Variants in ITPR2 observed in about 807,000 individuals in gnomAD.
ITPR2 encodes inositol 1,4,5-trisphosphate-gated calcium channel ITPR2.
Under a neutral mutation model 317.1 loss-of-function variants are expected in ITPR2, and 207 were observed. The ratio of observed to expected loss-of-function variants is 0.65; its 90% confidence interval spans 0.58 to 0.73. The LOEUF (loss-of-function observed/expected upper bound fraction) is 0.73, where lower values mean the gene tolerates loss of function less well. Ranked by LOEUF, ITPR2 falls within the 30% of genes least tolerant of loss-of-function variation. ITPR2 has a pLI of 0.00. For missense variants in ITPR2, 2,613 were observed against 3,284.0 expected, an observed-to-expected ratio of 0.80 and a Z score of 4.99; for synonymous variants, 1,156 against 1,149.1, an observed-to-expected ratio of 1.01 and a Z score of -0.12.
chr12:26,451,719 TTAAAC>T (rs1457708060), intron 45 of ITPR2, among the ~76,000 whole-genome samples: 1 of 152,156 alleles, frequency 6.6e-6, no homozygotes, highest in Admixed American at 6.6e-5. Context: ...AGGGTCTGTC[TTAAAC>T]TATAGTAAAA....
At position 26,365,706 on chromosome 12, in the gene ITPR2, T is replaced by G. The variant is rs191847700; in HGVS notation, c.7857+21728A>C. ...TTAATTAAAAGGCAAATCTATCACTTAAGGAGTTTAAATAGAATGCTTGTT... is the reference window on the plus strand; with the variant it reads ...TTAATTAAAAGGCAAATCTATCACTGAAGGAGTTTAAATAGAATGCTTGTT... On this transcript the variant is annotated intron_variant, in intron 55 of 56. Transcript: ENST00000381340. Among the ~76,000 whole-genome samples the G allele has an allele frequency of 2.4e-3, 361 of 152,270 alleles. 1 individual carries two copies. Among genetic ancestry groups the G allele is most frequent in the Non-Finnish European group, 3.8e-3 (261 of 68,022 alleles).
At chr12:26,785,195 G>C (rs1309396915) in intron 2 of ITPR2, among the ~76,000 whole-genome samples, 4 of 29,832 alleles carry the variant, frequency 1.3e-4, no homozygotes, top group Admixed American at 1.3e-3. Context: ...CCCCCCGCCC[G>C]GCCAGCCGCC....
intron 54 of ITPR2, 131 bp downstream of exon 54, chr12:26,398,745 T>G: frequency 1.4e-6 from 1 of 719,816 alleles, no homozygotes; most frequent in South Asian, 1.9e-5. Flanking sequence ...CTCAGTTACA[T>G]AATCTGAATT....
chr12:26,355,228 C>T (rs1445137383), intron 55 of ITPR2, among the ~76,000 whole-genome samples: 1 of 152,208 alleles, frequency 6.6e-6, no homozygotes, highest in African/African-American at 2.4e-5. Context: ...TAACCATACT[C>T]ATCGTACATG....
chr12:26,573,630 CT>C (rs1482650339), intron 34 of ITPR2, among the ~76,000 whole-genome samples: 1 of 152,170 alleles, frequency 6.6e-6, no homozygotes. Flanking sequence ...ATATTTTGAA[CT>C]GAGATCTGAC....
rs1942904945 is a variant in ITPR2, at chr12:26,495,202, C to G, written c.5132G>C (p.Gly1711Ala). The G allele has an allele frequency of 1.2e-6, 2 of 1,610,134 alleles. No individual in the cohort carries two copies. Among genetic ancestry groups the G allele is most frequent in the African/African-American group, 2.7e-5 (2 of 74,966 alleles). The change falls in exon 38 of 57, where the codon GGT becomes GCT. Residue 1711 changes from glycine (G) to alanine (A), a missense_variant. Gly to Ala is a moderately conservative substitution (Grantham distance 60, BLOSUM62 0). This residue lies in a region of ITPR2 where 926 missense variants were observed against 1,072.8 expected (regional missense o/e 0.86). Coordinates refer to ENST00000381340, the MANE Select transcript of ITPR2 (RefSeq NM_002223.4). ...GGCTCCTGATAGGTGTCCATTCACA[C>G]CAATACTATAATCACCTTTAAAGTA... ...NRYFKGDYSIGVNGHLSGAYS... is the reference protein window; with the variant it reads ...NRYFKGDYSIAVNGHLSGAYS...
chr12:26,375,476 T>C (rs1372062187), intron 55 of ITPR2, among the ~76,000 whole-genome samples: 1 of 152,238 alleles, frequency 6.6e-6, no homozygotes, highest in East Asian at 1.9e-4. Flanking sequence ...ACACCACCTC[T>C]AGGTTCACTG....
At chr12:26,763,590 C>G (rs1949673115) in intron 2 of ITPR2, among the ~76,000 whole-genome samples, 1 of 152,080 alleles carries the variant, frequency 6.6e-6, no homozygotes, top group Admixed American at 6.5e-5. Flanking sequence ...CTTTCTTAAG[C>G]TAAATGAGAG....
At chr12:26,712,347 C>G (rs11048667) in intron 8 of ITPR2, among the ~76,000 whole-genome samples, 20,297 of 152,164 alleles carry the variant, frequency 0.13, 1,462 homozygotes, top group South Asian at 0.25. Context: ...TAACATACTT[C>G]ACTTGCTAAT....
intron 39 of ITPR2, among the ~76,000 whole-genome samples, chr12:26,493,320 C>T (rs1167327690): frequency 6.6e-6 from 1 of 152,138 alleles, no homozygotes; most frequent in Non-Finnish European, 1.5e-5. Flanking sequence ...ATCCCAGTTT[C>T]AAATTAGACA....
At chr12:26,777,404 G>C (rs1949993376) in intron 2 of ITPR2, among the ~76,000 whole-genome samples, 1 of 152,188 alleles carries the variant, frequency 6.6e-6, no homozygotes, top group East Asian at 1.9e-4. Context: ...AGATCTAATA[G>C]TAGGAACAAC....
chr12:26,694,896 T>C (rs985477137), intron 10 of ITPR2, among the ~76,000 whole-genome samples: 2 of 152,204 alleles, frequency 1.3e-5, no homozygotes, highest in Admixed American at 6.5e-5. Flanking sequence ...ATCGTAAGCC[T>C]GGCAGTCAGA....
chr12:26,559,437 G>C (rs1944752624), intron 35 of ITPR2, among the ~76,000 whole-genome samples: 1 of 152,170 alleles, frequency 6.6e-6, no homozygotes, highest in South Asian at 2.1e-4. Flanking sequence ...GCACTTCCTG[G>C]TTCATAGAGG....
chr12:26,580,223 C>T, intron 32 of ITPR2, 68 bp from the exon 33 acceptor site: 3 of 1,446,106 alleles, frequency 2.1e-6, no homozygotes, highest in South Asian at 1.3e-5. Context: ...GTATTGGAAC[C>T]ACCTAAAAAT....
intron 55 of ITPR2, among the ~76,000 whole-genome samples, chr12:26,378,754 C>T (rs570441683): frequency 1.1e-4 from 17 of 152,302 alleles, no homozygotes; most frequent in African/African-American, 4.1e-4. Flanking sequence ...CATCCTGCAG[C>T]CTCTTTTTCT....
At chr12:26,428,973 C>T (rs1941136394) in intron 48 of ITPR2, among the ~76,000 whole-genome samples, 1 of 152,140 alleles carries the variant, frequency 6.6e-6, no homozygotes, top group East Asian at 1.9e-4. Flanking sequence ...GGAGACTTTC[C>T]ACTGGTAAAT....
chr12:26,419,603 C>T (rs1488524633), intron 49 of ITPR2: 3 of 155,604 alleles, frequency 1.9e-5, no homozygotes, highest in Non-Finnish European at 1.4e-5. Flanking sequence ...TTCTGAAAAA[C>T]CGGAATAAAA....
At chr12:26,791,273 T>C (rs1565769562) in intron 1 of ITPR2, among the ~76,000 whole-genome samples, 1 of 152,216 alleles carries the variant, frequency 6.6e-6, no homozygotes, top group East Asian at 1.9e-4. Flanking sequence ...GTGGTGTGAA[T>C]ACCCAGGTTT....
At chr12:26,766,777 C>T (rs1228678023) in intron 2 of ITPR2, among the ~76,000 whole-genome samples, 1 of 152,064 alleles carries the variant, frequency 6.6e-6, no homozygotes, top group Non-Finnish European at 1.5e-5. Flanking sequence ...CTATGATCCA[C>T]TTTGAGTTAA....
Sources: allele counts gnomAD v4.1 joint callset (sites outside exome capture counted in the v4.1 genomes callset), GRCh38; gene constraint gnomAD v4.1.1; regional missense constraint gnomAD v4.1.1; transcripts MANE v1.5; gene names NCBI Gene and HGNC (gene_info 2026-07-23, HGNC 2026-07-21).